FGFBP2: variants seen among roughly 807,000 people sequenced by gnomAD.
FGFBP2 encodes fibroblast growth factor-binding protein 2.
A neutral mutation model predicts 7.3 loss-of-function variants in FGFBP2; 7 were observed. The ratio of observed to expected loss-of-function variants is 0.96; its 90% CI spans 0.55 to 1.81. FGFBP2 has a LOEUF of 1.81. Ranked by LOEUF, FGFBP2 falls within the 40% of genes most tolerant of loss-of-function variation. The pLI, the probability that FGFBP2 is intolerant of heterozygous loss-of-function variation, is 0.00. For synonymous variants in FGFBP2, 131 were observed against 110.2 expected (o/e 1.19, Z -1.18); for missense variants, 291 against 280.1 (o/e 1.04, Z -0.28).
intron 1 of FGFBP2, 80 bp from the exon 2 acceptor site, chr4:15,960,691 G>GT (rs1341124551): frequency 6.6e-6 from 1 of 151,502 alleles, no homozygotes; most frequent in Non-Finnish European, 1.5e-5. Context: ...TGTGTGAATT[G>GT]TGTCCCTCCC....
Position 15,963,065 on chromosome 4 carries a change from G to A in FGFBP2, c.65C>T (p.Pro22Leu), listed in dbSNP as rs761053691. 1.1e-5 allele frequency: 18 copies of A among 1,613,512 alleles called. No individual in the cohort carries two copies. The highest frequency in any genetic ancestry group is 2.2e-5 in the East Asian group (1 of 44,880). Residue 22 changes from proline (P) to leucine (L), a missense_variant, in exon 1 of 2, where the codon CCG (proline) becomes CTG (leucine). By Grantham distance (98) the Pro-to-Leu change is moderately conservative (BLOSUM62 -3). Transcript: ENST00000259989. ...LSCLGTLGQA[P>L]RQKQGSTGEE... ...CCCAGTGCTTCCTTGCTTTTGCCTC[G>A]GGGCCTGACCCAAAGTCCCCAGGCA...
At chr4:15,961,983 C>T (rs770536717) in intron 1 of FGFBP2, among the ~76,000 whole-genome samples, 13 of 152,152 alleles carry the variant, frequency 8.5e-5, no homozygotes, top group Non-Finnish European at 1.6e-4. Context: ...AGCACCTCGG[C>T]CACTAACAGC....
Position 15,962,515 on chromosome 4 carries a change from A to G in FGFBP2, c.615T>C (p.His205=), listed in dbSNP as rs745891390. The change falls in exon 1 of 2, where the codon CAT becomes CAC. Residue 205 remains histidine, a synonymous_variant. Coordinates refer to ENST00000259989, the MANE Select transcript of FGFBP2 (RefSeq NM_031950.4). ...ACAGGGCCTGGAAGGGTTTCCAACAATGTTCCCAGGCCTTCTTCTTTGCTT... is the reference window on the plus strand; with the variant it reads ...ACAGGGCCTGGAAGGGTTTCCAACAGTGTTCCCAGGCCTTCTTCTTTGCTT... The part of the protein sequence containing the change: ...NEEAKKKAWE[H]CWKPFQALCA... 1.2e-6 allele frequency: 2 copies of G among 1,605,558 alleles called. No individual in the cohort carries two copies. Among genetic ancestry groups the G allele is most frequent in the South Asian group, 1.1e-5 (1 of 90,562 alleles).
chr4:15,962,375 G>A (rs1333880205), intron 1 of FGFBP2, 63 bp downstream of exon 1: 4 of 1,357,166 alleles, frequency 2.9e-6, no homozygotes, highest in African/African-American at 1.5e-5. Flanking sequence ...TGCCTCTCAC[G>A]TAGTCTCTGT....
rs1375679570 is a variant in FGFBP2 at position 15,962,320 on chromosome 4, A to T, written c.*20+118T>A. On this transcript the variant is annotated intron_variant, in intron 1 of 1. Transcript: ENST00000259989. ...CAGCCTCAAACCCACCCCCAAACACACGCTGAGACTCTGATGTGGTCGCAG... is the reference window on the plus strand; with the variant it reads ...CAGCCTCAAACCCACCCCCAAACACTCGCTGAGACTCTGATGTGGTCGCAG... The T allele has an allele frequency of 3.3e-6, 3 of 904,292 alleles. No individual in the cohort carries two copies. The Admixed American group carries it at 9.5e-5, about 29-fold the overall frequency. The allele number at this position is 904,292 out of a possible 1,614,324, so 56.0% of individuals were successfully genotyped here.
chr4:15,962,478 T>A lies in FGFBP2; in HGVS notation c.652A>T (p.Ile218Phe), dbSNP rs760308041. 1 of 1,566,850 alleles carries A rather than the reference T, an allele frequency of 6.4e-7. No individual in the cohort carries two copies. Among genetic ancestry groups the A allele is most frequent in the Non-Finnish European group, 8.7e-7 (1 of 1,155,420 alleles). The change falls in exon 1 of 2, where the codon ATC (isoleucine) becomes TTC (phenylalanine). Residue 218 changes from isoleucine to phenylalanine, a missense_variant. By Grantham distance (21) the Ile-to-Phe change is conservative (BLOSUM62 0). Coordinates refer to ENST00000259989, the MANE Select transcript of FGFBP2 (RefSeq NM_031950.4). ...ACCTGTCACCCTCGGAAGAAGCTGA[T>A]GAGAAAGGCGCACAGGGCCTGGAAG... ...KPFQALCAFLISFFRG is the reference protein window; with the variant it reads ...KPFQALCAFLFSFFRG
Position 15,962,630 on chromosome 4 carries a change from T to C in FGFBP2, c.500A>G (p.Asp167Gly). The change falls in exon 1 of 2, where the codon GAC (aspartate) becomes GGC (glycine). Residue 167 changes from aspartate to glycine, a missense_variant. Coordinates refer to ENST00000259989, the MANE Select transcript of FGFBP2 (RefSeq NM_031950.4). ...GGCTTTTCCCAGCTCTTCCATCGAGTCCTTTCCCAGCTGTGTTGCTTCTGT... is the reference window on the plus strand; with the variant it reads ...GGCTTTTCCCAGCTCTTCCATCGAGCCCTTTCCCAGCTGTGTTGCTTCTGT... ...KLTEATQLGK[D>G]SMEELGKAKP... 2 of 1,614,046 alleles carry C rather than the reference T, an allele frequency of 1.2e-6. No homozygotes were observed. The highest frequency in any genetic ancestry group is 1.7e-6 in the Non-Finnish European group (2 of 1,180,020).
rs1014812781 is a variant in FGFBP2, at chr4:15,960,508, G to A, written c.*124C>T. 1 of 151,900 alleles carries A rather than the reference G, an allele frequency of 6.6e-6. No homozygotes were observed. Among genetic ancestry groups the A allele is most frequent in the Non-Finnish European group, 1.5e-5 (1 of 68,002 alleles). The allele number at this position is 151,900 out of a possible 1,614,324, so 9.4% of individuals were successfully genotyped here. A position where few individuals can be genotyped will look rare whatever the true frequency, so the allele number is the denominator to read the frequency against. On this transcript the variant is annotated 3_prime_UTR_variant, in exon 2 of 2. Transcript: ENST00000259989. ...GAGAAGCTGCAGATCAAGAATTTGG[G>A]CCGTTGCATCTGATTAGAAACTCTC... is the stretch of plus-strand genomic sequence containing the variant.
chr4:15,961,589 GA>G (rs1232175022), intron 1 of FGFBP2, among the ~76,000 whole-genome samples: 1 of 152,098 alleles, frequency 6.6e-6, no homozygotes, highest in African/African-American at 2.4e-5. Context: ...TAGATAATAT[GA>G]AAAAAACTCA....
rs770011639 is a variant in FGFBP2, at chr4:15,963,028, A to G, written c.102T>C (p.His34=). The change falls in exon 1 of 2, where the codon CAT becomes CAC. Residue 34 remains histidine, a synonymous_variant. Transcript: ENST00000259989. ...AGGAATCTCTCCCTCCAGTCTGGAA[A>G]TGGAATTCCTCCCCAGTGCTTCCTT... ...QKQGSTGEEF[H]FQTGGRDSCT... The G allele has an allele frequency of 1.2e-6, 2 of 1,614,162 alleles. No homozygotes were observed. The highest frequency in any genetic ancestry group is 1.3e-5 in the African/African-American group (1 of 75,060).
chr4:15,962,990 G>C lies in FGFBP2; in HGVS notation c.140C>G (p.Pro47Arg). The part of the protein sequence containing the change: ...TGGRDSCTMR[P>R]SSLGQGAGEV... ...TCCAGCACCTTGCCCCAAGCTGCTG[G>C]GACGCATAGTGCAGGAATCTCTCCC... The change falls in exon 1 of 2, where the codon CCC (proline) becomes CGC (arginine). Residue 47 changes from proline to arginine, a missense_variant. Coordinates refer to ENST00000259989, the MANE Select transcript of FGFBP2 (RefSeq NM_031950.4). 5.0e-6 allele frequency: 8 copies of C among 1,613,908 alleles called. No homozygotes were observed. Among genetic ancestry groups the C allele is most frequent in the Non-Finnish European group, 6.8e-6 (8 of 1,180,016 alleles).
rs1560350920 is a variant in FGFBP2, at chr4:15,963,137, C to G, written c.-8G>C. 1.3e-6 allele frequency: 2 copies of G among 1,575,734 alleles called. No homozygotes were observed. Among genetic ancestry groups the G allele is most frequent in the East Asian group, 4.5e-5 (2 of 44,520 alleles). ...GCAGGGGACGAACTTCATGGCGATA[C>G]TCCGATAAACTTGCTTGCAACTCTG... On this transcript the variant is annotated 5_prime_UTR_variant, in exon 1 of 2. Coordinates refer to ENST00000259989, the MANE Select transcript of FGFBP2 (RefSeq NM_031950.4).
chr4:15,962,998 A>G lies in FGFBP2; in HGVS notation c.132T>C (p.Thr44=). ...CTTGCCCCAAGCTGCTGGGACGCAT[A>G]GTGCAGGAATCTCTCCCTCCAGTCT... ...HFQTGGRDSC[T]MRPSSLGQGA... is the part of the protein sequence containing the mutation. The change falls in exon 1 of 2, where the codon ACT becomes ACC. Residue 44 remains threonine, a synonymous_variant. Transcript: ENST00000259989. 6.2e-7 allele frequency: 1 copy of G among 1,614,078 alleles called. No homozygotes were observed. The highest frequency in any genetic ancestry group is 8.5e-7 in the Non-Finnish European group (1 of 1,180,008).
rs370989680 is a variant in FGFBP2, at chr4:15,962,689, C to T, written c.441G>A (p.Thr147=). The change falls in exon 1 of 2, where the codon ACG becomes ACA. Residue 147 remains threonine, a synonymous_variant. Coordinates refer to ENST00000259989, the MANE Select transcript of FGFBP2 (RefSeq NM_031950.4). The stretch of plus-strand genomic sequence containing the variant: ...CTGTGGCCTTGGGCCTCAGAGATGG[C>T]GTCCCAGCCTCAGGCTGCTGGTTGG... ...PEPNQQPEAG[T]PSLRPKATVK... The T allele has an allele frequency of 1.0e-4, 169 of 1,613,982 alleles. No individual in the cohort carries two copies. The highest frequency in any genetic ancestry group is 1.2e-4 in the Non-Finnish European group (147 of 1,180,040).
Position 15,962,456 on chromosome 4 carries a change from T to C in FGFBP2, c.*2A>G, listed in dbSNP as rs1713110494. 6 of 1,549,150 alleles carry C rather than the reference T, an allele frequency of 3.9e-6. No individual in the cohort carries two copies. Among genetic ancestry groups the C allele is most frequent in the Non-Finnish European group, 5.2e-6 (6 of 1,147,328 alleles). On this transcript the variant is annotated 3_prime_UTR_variant, in exon 1 of 2. Transcript: ENST00000259989. ...GTATTACCTGTAGGGGTCTTTCACC[T>C]GTCACCCTCGGAAGAAGCTGATGAG...
chr4:15,962,338 G>T, intron 1 of FGFBP2, 100 bp downstream of exon 1: 1 of 1,044,082 alleles, frequency 9.6e-7, no homozygotes, highest in Non-Finnish European at 1.3e-6. Flanking sequence ...ACTCTGATGT[G>T]GTCGCAGCAG....
Position 15,962,998 on chromosome 4 carries a change from A to T in FGFBP2, c.132T>A (p.Thr44=), listed in dbSNP as rs1713132863. The change falls in exon 1 of 2, where the codon ACT becomes ACA. Residue 44 remains threonine (T), a synonymous_variant. Coordinates refer to ENST00000259989, the MANE Select transcript of FGFBP2 (RefSeq NM_031950.4). ...HFQTGGRDSC[T]MRPSSLGQGA... Reference sequence around the variant, plus strand: ...CTTGCCCCAAGCTGCTGGGACGCATAGTGCAGGAATCTCTCCCTCCAGTCT... The same window carrying T: ...CTTGCCCCAAGCTGCTGGGACGCATTGTGCAGGAATCTCTCCCTCCAGTCT... 6.2e-7 allele frequency: 1 copy of T among 1,614,078 alleles called. No individual in the cohort carries two copies. The highest frequency in any genetic ancestry group is 8.5e-7 in the Non-Finnish European group (1 of 1,180,008).
Position 15,962,459 on chromosome 4 carries a change from C to T in FGFBP2, c.671G>A (p.Ter224=). 1 of 1,549,944 alleles carries T rather than the reference C, an allele frequency of 6.5e-7. No homozygotes were observed. Among genetic ancestry groups the T allele is most frequent in the Non-Finnish European group, 8.7e-7 (1 of 1,147,748 alleles). ...CAFLISFFRG[*] is the part of the protein sequence containing the mutation. Reference sequence around the variant, plus strand: ...TTACCTGTAGGGGTCTTTCACCTGTCACCCTCGGAAGAAGCTGATGAGAAA... The same window carrying T: ...TTACCTGTAGGGGTCTTTCACCTGTTACCCTCGGAAGAAGCTGATGAGAAA... The change falls in exon 1 of 2, where the codon TGA becomes TAA. Residue 224 remains the stop codon, a stop_retained_variant. Coordinates refer to ENST00000259989, the MANE Select transcript of FGFBP2 (RefSeq NM_031950.4).
rs1258894495 is a variant in FGFBP2, at chr4:15,963,143, T to C, written c.-14A>G. 2 of 1,566,984 alleles carry C rather than the reference T, an allele frequency of 1.3e-6. No individual in the cohort carries two copies. The highest frequency in any genetic ancestry group is 1.8e-5 in the Admixed American group (1 of 55,436). ...GACGAACTTCATGGCGATACTCCGATAAACTTGCTTGCAACTCTGCACCAG... is the reference window on the plus strand; with the variant it reads ...GACGAACTTCATGGCGATACTCCGACAAACTTGCTTGCAACTCTGCACCAG... On this transcript the variant is annotated 5_prime_UTR_variant, in exon 1 of 2. Transcript: ENST00000259989.
Sources: gnomAD v4.1 joint callset for allele counts (sites outside exome capture counted in the v4.1 genomes callset) on GRCh38, gnomAD v4.1.1 for gene constraint, MANE v1.5 for transcripts, NCBI Gene and HGNC (gene_info 2026-07-23, HGNC 2026-07-21) for gene names.